PRKCA: variants seen among roughly 807,000 people sequenced by gnomAD.
PRKCA encodes protein kinase C alpha.
Under a neutral mutation model 87.0 loss-of-function variants are expected in PRKCA, and 27 were observed. The ratio of observed to expected loss-of-function variants is 0.31; its 90% CI spans 0.23 to 0.43. The LOEUF (loss-of-function observed/expected upper bound fraction) is 0.43, where lower values mean the gene tolerates loss of function less well. Ranked by LOEUF, PRKCA falls within the 20% of genes least tolerant of loss-of-function variation. The pLI is 1.00. For synonymous variants in PRKCA, 329 were observed against 311.1 expected (o/e 1.06, Z -0.61); for missense variants, 518 against 852.3 (o/e 0.61, Z 4.88).
chr17:66,559,697 T>C (rs975272848), intron 3 of PRKCA, among the ~76,000 whole-genome samples: 1 of 152,128 alleles, frequency 6.6e-6, no homozygotes, highest in East Asian at 1.9e-4. Context: ...TTTTTATAAA[T>C]CCTTTCAGAA....
At chr17:66,375,073 G>T (rs1388413202) in intron 2 of PRKCA, among the ~76,000 whole-genome samples, 1 of 151,614 alleles carries the variant, frequency 6.6e-6, no homozygotes, top group Admixed American at 6.6e-5. Flanking sequence ...TATCCTTTCT[G>T]CATGGTATGC....
chr17:66,708,599 TC>T (rs1205807798), intron 8 of PRKCA, among the ~76,000 whole-genome samples: 1 of 152,128 alleles, frequency 6.6e-6, no homozygotes, highest in Non-Finnish European at 1.5e-5. Context: ...GTTTTTTGTC[TC>T]CCTGTAGAAA....
chr17:66,707,437 A>G (rs1973220066), intron 8 of PRKCA, among the ~76,000 whole-genome samples: 1 of 152,142 alleles, frequency 6.6e-6, no homozygotes, highest in Admixed American at 6.5e-5. Flanking sequence ...TGTCTGAGCC[A>G]ACATCTTTAT....
At chr17:66,582,805 G>A (rs1598791098) in intron 3 of PRKCA, among the ~76,000 whole-genome samples, 1 of 152,206 alleles carries the variant, frequency 6.6e-6, no homozygotes, top group Middle Eastern at 3.4e-3. Flanking sequence ...ACTCTACCTT[G>A]CTGTTTCAGA....
chr17:66,402,078 G>A (rs568032996), intron 2 of PRKCA, among the ~76,000 whole-genome samples: 4 of 152,290 alleles, frequency 2.6e-5, no homozygotes, highest in Admixed American at 1.3e-4. Flanking sequence ...GAATCGGGGT[G>A]GACCAAGAGG....
chr17:66,577,114 C>CCTGCCT lies in PRKCA; in HGVS notation c.289-64232_289-64227dup, dbSNP rs1438588675. Among the ~76,000 whole-genome samples the CCTGCCT allele has an allele frequency of 6.6e-5, 10 of 152,224 alleles. No individual in the cohort carries two copies. In the East Asian group the frequency reaches 1.9e-3, roughly 29 times the overall value. On this transcript the variant is annotated intron_variant, in intron 3 of 16. Transcript: ENST00000413366. ...TGAACTTCTGGGCTGAAGCGATCTG[C>CCTGCCT]CTGCCTCTGCCTCTCAGAGTGCTGG...
intron 3 of PRKCA, among the ~76,000 whole-genome samples, chr17:66,521,712 A>G (rs957453469): frequency 7.2e-5 from 11 of 152,214 alleles, no homozygotes; most frequent in African/African-American, 2.7e-4. Context: ...GACTGTTTTC[A>G]AGAAAAAGAA....
intron 5 of PRKCA, among the ~76,000 whole-genome samples, chr17:66,675,257 C>T (rs1195969337): frequency 6.6e-6 from 1 of 152,196 alleles, no homozygotes; most frequent in Non-Finnish European, 1.5e-5. Flanking sequence ...AACCAGCTCC[C>T]TTGGGCTTCT....
chr17:66,306,315 T>G (rs894057179), intron 2 of PRKCA, 188 bp downstream of exon 2: 5 of 419,940 alleles, frequency 1.2e-5, no homozygotes, highest in Admixed American at 4.4e-5. Flanking sequence ...TAGAGCTGCC[T>G]TTTTCTCATT....
chr17:66,752,893 C>T (rs1337154977), intron 13 of PRKCA, among the ~76,000 whole-genome samples: 3 of 152,184 alleles, frequency 2.0e-5, no homozygotes, highest in East Asian at 3.9e-4. Flanking sequence ...ACTTCCAACA[C>T]GTTCTGCAGG....
intron 2 of PRKCA, among the ~76,000 whole-genome samples, chr17:66,418,075 G>T (rs745780092): frequency 1.3e-5 from 2 of 152,142 alleles, no homozygotes; most frequent in Non-Finnish European, 2.9e-5. Context: ...TTTGGTGCGC[G>T]TGGGTTTTAC....
intron 3 of PRKCA, among the ~76,000 whole-genome samples, chr17:66,520,153 G>A (rs564645910): frequency 3.5e-5 from 5 of 142,908 alleles, no homozygotes; most frequent in Non-Finnish European, 4.5e-5. Flanking sequence ...TTTAGACAGA[G>A]TCTTGCTCTG....
At chr17:66,408,354 T>C (rs868693315) in intron 2 of PRKCA, among the ~76,000 whole-genome samples, 4 of 152,328 alleles carry the variant, frequency 2.6e-5, no homozygotes, top group Admixed American at 6.5e-5. Context: ...ATGGTATAAT[T>C]TAGAGAACTG....
At chr17:66,586,315 TAC>T (rs1333321305) in intron 3 of PRKCA, among the ~76,000 whole-genome samples, 1 of 151,704 alleles carries the variant, frequency 6.6e-6, no homozygotes, top group South Asian at 2.1e-4. Context: ...CAGGACTCAG[TAC>T]ACAGTGGGCC....
chr17:66,532,180 G>A (rs1967568719), intron 3 of PRKCA, among the ~76,000 whole-genome samples: 1 of 151,036 alleles, frequency 6.6e-6, no homozygotes, highest in Admixed American at 6.6e-5. Context: ...GAACAACCTT[G>A]AGTCCCTTGA....
chr17:66,771,006 C>CTT (rs5821504), intron 13 of PRKCA, among the ~76,000 whole-genome samples: 3,851 of 141,728 alleles, frequency 0.027, 73 homozygotes, highest in African/African-American at 0.041. Flanking sequence ...GGCAATGTGT[C>CTT]TTTTTTTTTT....
At chr17:66,375,918 C>A (rs1029664243) in intron 2 of PRKCA, among the ~76,000 whole-genome samples, 1 of 152,200 alleles carries the variant, frequency 6.6e-6, no homozygotes, top group Non-Finnish European at 1.5e-5. Flanking sequence ...TGCTTGCTAA[C>A]ATGCTGAGCT....
intron 2 of PRKCA, among the ~76,000 whole-genome samples, chr17:66,321,643 A>G (rs1905670227): frequency 6.6e-6 from 1 of 152,164 alleles, no homozygotes; most frequent in Non-Finnish European, 1.5e-5. Flanking sequence ...TCCTGGGTTC[A>G]AGCGATTCTC....
At chr17:66,435,875 C>T (rs148767404) in intron 2 of PRKCA, among the ~76,000 whole-genome samples, 2 of 152,126 alleles carry the variant, frequency 1.3e-5, no homozygotes, top group East Asian at 1.9e-4. Flanking sequence ...AAGGAGATTG[C>T]GTGTTTGACA....
Sources: allele counts gnomAD v4.1 joint callset (sites outside exome capture counted in the v4.1 genomes callset), GRCh38; gene constraint gnomAD v4.1.1; transcripts MANE v1.5; gene names NCBI Gene and HGNC (gene_info 2026-07-23, HGNC 2026-07-21).